CHCHD3: variants seen among roughly 807,000 people sequenced by gnomAD.
CHCHD3 encodes the protein coiled-coil-helix-coiled-coil-helix domain containing 3, also known as MICOS complex subunit MIC19.
CHCHD3 carries 20 observed loss-of-function variants against 38.2 expected under a neutral mutation model. The ratio of observed to expected loss-of-function variants is 0.52; its 90% CI spans 0.37 to 0.76. The LOEUF (loss-of-function observed/expected upper bound fraction) is 0.76. Ranked by LOEUF, CHCHD3 falls within the 30% of genes least tolerant of loss-of-function variation. CHCHD3 has a pLI of 0.00. For missense variants in CHCHD3, 245 were observed against 279.2 expected, an observed-to-expected ratio of 0.88 and a Z score of 0.87; for synonymous variants, 82 against 100.0, an observed-to-expected ratio of 0.82 and a Z score of 1.07.
intron 3 of CHCHD3, among the ~76,000 whole-genome samples, chr7:133,006,262 T>TA (rs947358491): frequency 6.6e-6 from 1 of 152,048 alleles, no homozygotes; most frequent in Admixed American, 6.5e-5. Context: ...GGTCCAGAGT[T>TA]AGAGACCAGC....
intron 4 of CHCHD3, among the ~76,000 whole-genome samples, chr7:132,893,959 C>CA (rs1177548823): frequency 6.6e-6 from 1 of 152,088 alleles, no homozygotes; most frequent in Non-Finnish European, 1.5e-5. Flanking sequence ...TGGACTAATG[C>CA]AAAAGTATAT....
At chr7:132,965,185 A>T (rs1585681210) in intron 4 of CHCHD3, among the ~76,000 whole-genome samples, 1 of 152,068 alleles carries the variant, frequency 6.6e-6, no homozygotes, top group East Asian at 1.9e-4. Context: ...CTAAAAGTCC[A>T]TTTCCCTTTC....
chr7:132,920,941 T>A (rs958194941), intron 4 of CHCHD3, among the ~76,000 whole-genome samples: 5 of 152,102 alleles, frequency 3.3e-5, no homozygotes, highest in African/African-American at 1.2e-4. Context: ...ATTCTAAACA[T>A]CACTTATTTT....
At chr7:132,958,970 C>T (rs1273910185) in intron 4 of CHCHD3, among the ~76,000 whole-genome samples, 2 of 152,000 alleles carry the variant, frequency 1.3e-5, no homozygotes, top group Non-Finnish European at 2.9e-5. Flanking sequence ...CTTTTTTGCC[C>T]GGGCAACATA....
At chr7:133,066,868 T>G (rs1814684637) in intron 2 of CHCHD3, among the ~76,000 whole-genome samples, 2 of 152,208 alleles carry the variant, frequency 1.3e-5, no homozygotes, top group African/African-American at 4.8e-5. Context: ...ACGGGTTCTT[T>G]CCTTAGTTCA....
chr7:132,929,987 C>A (rs1810477392), intron 4 of CHCHD3, among the ~76,000 whole-genome samples: 1 of 152,132 alleles, frequency 6.6e-6, no homozygotes, highest in Admixed American at 6.5e-5. Context: ...AAGCCTTATC[C>A]AGTCACTTGG....
chr7:133,008,269 C>G (rs902267954), intron 3 of CHCHD3, among the ~76,000 whole-genome samples: 2 of 151,896 alleles, frequency 1.3e-5, no homozygotes, highest in Non-Finnish European at 2.9e-5. Flanking sequence ...CGACATTTTG[C>G]CATTAGTTAT....
At chr7:132,948,611 T>C (rs1810959039) in intron 4 of CHCHD3, among the ~76,000 whole-genome samples, 1 of 152,174 alleles carries the variant, frequency 6.6e-6, no homozygotes, top group Admixed American at 6.6e-5. Context: ...AAAAAGTTTC[T>C]ATGGAAAATC....
chr7:133,054,898 G>C (rs553661603), intron 2 of CHCHD3, among the ~76,000 whole-genome samples: 2 of 152,248 alleles, frequency 1.3e-5, no homozygotes, highest in Middle Eastern at 6.8e-3. Flanking sequence ...TGTTTCTTGA[G>C]CACCTTCTAC....
At chr7:133,058,829 G>A (rs928585587) in intron 2 of CHCHD3, among the ~76,000 whole-genome samples, 5 of 152,208 alleles carry the variant, frequency 3.3e-5, no homozygotes, top group African/African-American at 1.2e-4. Flanking sequence ...GAAGCACTGG[G>A]TAAAAGCCCA....
chr7:132,851,479 C>T (rs1423728699), intron 5 of CHCHD3, among the ~76,000 whole-genome samples: 1 of 152,152 alleles, frequency 6.6e-6, no homozygotes, highest in Non-Finnish European at 1.5e-5. Context: ...TGTAGCTCTT[C>T]TCCCTGTGAT....
At chr7:132,950,931 C>A (rs547813814) in intron 4 of CHCHD3, among the ~76,000 whole-genome samples, 26 of 152,186 alleles carry the variant, frequency 1.7e-4, no homozygotes, top group Non-Finnish European at 3.1e-4. Flanking sequence ...GCTAATGACT[C>A]TGAATTGTGA....
At chr7:132,845,914 T>C (rs1230961997) in intron 5 of CHCHD3, among the ~76,000 whole-genome samples, 1 of 152,176 alleles carries the variant, frequency 6.6e-6, no homozygotes, top group Non-Finnish European at 1.5e-5. Flanking sequence ...ATTCCACAAC[T>C]GATGAAGATT....
chr7:133,010,187 TA>T (rs2117409592), intron 3 of CHCHD3, among the ~76,000 whole-genome samples: 1 of 152,290 alleles, frequency 6.6e-6, no homozygotes, highest in Admixed American at 6.5e-5. Flanking sequence ...GCTACTTTTG[TA>T]AAATAAACCT....
intron 6 of CHCHD3, among the ~76,000 whole-genome samples, chr7:132,837,715 G>A (rs1050322061): frequency 4.6e-5 from 7 of 152,166 alleles, no homozygotes; most frequent in South Asian, 2.1e-4. Context: ...ACTAATTTGC[G>A]CATGTGCTAC....
intron 4 of CHCHD3, among the ~76,000 whole-genome samples, chr7:132,901,154 T>C (rs1005175581): frequency 2.0e-5 from 3 of 152,066 alleles, no homozygotes; most frequent in African/African-American, 7.2e-5. Context: ...CCCAAACCCG[T>C]AGTGAGGGAA....
At chr7:132,849,282 T>C (rs1484431500) in intron 5 of CHCHD3, 1 of 152,168 alleles carries the variant, frequency 6.6e-6, no homozygotes, top group Non-Finnish European at 1.5e-5. Flanking sequence ...TGAAGAACAA[T>C]CATCAAGCGG....
At chr7:133,065,423 T>G (rs1814640650) in intron 2 of CHCHD3, among the ~76,000 whole-genome samples, 1 of 152,198 alleles carries the variant, frequency 6.6e-6, no homozygotes, top group African/African-American at 2.4e-5. Context: ...TATGACAAAA[T>G]TGAGTTCCTA....
intron 3 of CHCHD3, among the ~76,000 whole-genome samples, chr7:133,019,756 CTT>C (rs1300641871): frequency 6.6e-6 from 1 of 151,992 alleles, no homozygotes; most frequent in African/African-American, 2.4e-5. Flanking sequence ...TTTCACTTGC[CTT>C]TATAGGTAAA....
Sources: allele counts gnomAD v4.1 joint callset (sites outside exome capture counted in the v4.1 genomes callset), GRCh38; gene constraint gnomAD v4.1.1; transcripts MANE v1.5; gene names NCBI Gene and HGNC (gene_info 2026-07-23, HGNC 2026-07-21).